The following BMP8B variants were observed in gnomAD, a reference collection of about 807,000 sequenced individuals.
BMP8B encodes bone morphogenetic protein 8b.
In BMP8B, 17 loss-of-function variants were observed where a neutral mutation model predicts 30.3. That is an observed-to-expected ratio of 0.56 (90% CI 0.38 to 0.84). The LOEUF (loss-of-function observed/expected upper bound fraction) is 0.84. Ranked by LOEUF, BMP8B falls within the 40% of genes least tolerant of loss-of-function variation. The pLI, the probability that BMP8B is intolerant of heterozygous loss-of-function variation, is 0.00. For synonymous variants in BMP8B, 131 were observed against 214.7 expected, an observed-to-expected ratio of 0.61 and a Z score of 3.41; for missense variants, 253 against 494.6, an observed-to-expected ratio of 0.51 and a Z score of 4.63.
rs77736626 is a variant in BMP8B, at chr1:39,782,273, C to T, written c.334+5879G>A. Among the ~76,000 whole-genome samples the T allele has an allele frequency of 6.2e-4, 95 of 152,228 alleles. No homozygotes were observed. In the East Asian group the frequency reaches 0.015, roughly 24 times the overall value. ...TGAAGAGAAGCTCTGGGAAGCCCCC[C>T]ACAGCATCCACTACAAGGATGCCTA... On this transcript the variant is annotated intron_variant, in intron 1 of 6. Transcript: ENST00000372827.
chr1:39,786,491 G>GC (rs3831857), intron 1 of BMP8B, among the ~76,000 whole-genome samples: 4,080 of 152,332 alleles, frequency 0.027, 103 homozygotes, highest in East Asian at 0.12. Context: ...AGGTCACACA[G>GC]AGGGGTAGGC....
chr1:39,775,172 C>G, intron 1 of BMP8B, 134 bp from the exon 2 acceptor site: 1 of 1,346,208 alleles, frequency 7.4e-7, no homozygotes, highest in Non-Finnish European at 1.0e-6. Flanking sequence ...TGGGTGGGGC[C>G]GGCTTCATTT....
chr1:39,784,207 A>C (rs1650836090), intron 1 of BMP8B, among the ~76,000 whole-genome samples: 2 of 152,222 alleles, frequency 1.3e-5, no homozygotes. Context: ...GGTTCTGGGC[A>C]CGTGGGCATC....
At position 39,771,150 on chromosome 1, in the gene BMP8B, G is replaced by A. The variant is rs1319369410; in HGVS notation, c.673+3158C>T. On this transcript the variant is annotated intron_variant, in intron 3 of 6. Transcript: ENST00000372827. The stretch of plus-strand genomic sequence containing the variant: ...GCGTAGAACTTGGCACGGAGCCGGG[G>A]ACTGGTGGCAAAGCAGCGGGCGCAG... 1.9e-6 allele frequency: 3 copies of A among 1,556,430 alleles called. 1 individual carries two copies. The Admixed American group carries it at 5.2e-5, about 27-fold the overall frequency.
At chr1:39,777,141 G>A (rs2124477574) in intron 1 of BMP8B, among the ~76,000 whole-genome samples, 1 of 152,308 alleles carries the variant, frequency 6.6e-6, no homozygotes, top group Middle Eastern at 3.4e-3. Flanking sequence ...AATTACATTT[G>A]ACACAAGAAT....
At chr1:39,776,280 C>T (rs543685168) in intron 1 of BMP8B, among the ~76,000 whole-genome samples, 49 of 149,740 alleles carry the variant, frequency 3.3e-4, no homozygotes, top group Non-Finnish European at 4.7e-4. Context: ...TCCGGAAATA[C>T]CCAGGACGCT....
chr1:39,762,733 G>C, intron 6 of BMP8B: 1 of 1,421,350 alleles, frequency 7.0e-7, no homozygotes, highest in Non-Finnish European at 9.3e-7. Context: ...TCGGCGGCCC[G>C]TGTGCTAAGA....
intron 1 of BMP8B, among the ~76,000 whole-genome samples, chr1:39,784,340 G>A (rs1335923508): frequency 1.3e-5 from 2 of 150,492 alleles, no homozygotes; most frequent in Non-Finnish European, 3.0e-5. Flanking sequence ...GAGATCAGGT[G>A]TTGGCGTCAG....
chr1:39,785,767 C>T (rs373620404), intron 1 of BMP8B, among the ~76,000 whole-genome samples: 83 of 152,324 alleles, frequency 5.4e-4, no homozygotes, highest in African/African-American at 1.8e-3. Context: ...CTCCAGGGGC[C>T]TCCAAACATG....
At position 39,788,621 on chromosome 1, in the gene BMP8B, G is replaced by A. The variant is rs1651180157; in HGVS notation, c.-136C>T. On this transcript the variant is annotated 5_prime_UTR_variant, in exon 1 of 7. Coordinates refer to ENST00000372827, the MANE Select transcript of BMP8B (RefSeq NM_001720.5). The surrounding 1 kb of genome is among the most constrained non-coding windows in gnomAD (Gnocchi z 5.8). ...CGGGCGGCGGGGCGGGGCGGGACGG[G>A]CGGCGACCGCGGCCTCAGCGCGGTC... The A allele has an allele frequency of 1.2e-6, 1 of 804,560 alleles. No homozygotes were observed. The highest frequency in any genetic ancestry group is 1.5e-6 in the Non-Finnish European group (1 of 666,060). 49.8% of individuals were successfully genotyped at this position (804,560 alleles called of 1,614,324 possible).
chr1:39,770,454 G>A, intron 3 of BMP8B: 2 of 1,609,574 alleles, frequency 1.2e-6, no homozygotes, highest in Non-Finnish European at 1.7e-6. Flanking sequence ...TTTATCACGC[G>A]ATCTACATAA....
Position 39,757,744 on chromosome 1 carries a change from A to C in BMP8B, c.*2675T>G, listed in dbSNP as rs1648441609. The C allele has an allele frequency of 6.6e-6, 1 of 152,270 alleles. No homozygotes were observed. The highest frequency in any genetic ancestry group is 6.5e-5 in the Admixed American group (1 of 15,284). 9.4% of individuals were successfully genotyped at this position (152,270 alleles called of 1,614,324 possible). A position where few individuals can be genotyped will look rare whatever the true frequency, so the allele number is the denominator to read the frequency against. ...GGGAAATGGTGGTATCTGTGCTGCCAGCCTGGGCCACCCACTGCAGATGCA... is the reference window on the plus strand; with the variant it reads ...GGGAAATGGTGGTATCTGTGCTGCCCGCCTGGGCCACCCACTGCAGATGCA... On this transcript the variant is annotated 3_prime_UTR_variant, in exon 7 of 7. Transcript: ENST00000372827.
intron 1 of BMP8B, among the ~76,000 whole-genome samples, chr1:39,780,245 C>T (rs1293550092): frequency 1.3e-5 from 2 of 152,080 alleles, no homozygotes; most frequent in African/African-American, 2.4e-5. Context: ...ATGGTGAAGG[C>T]GGCACCATGA....
intron 1 of BMP8B, 125 bp from the exon 2 acceptor site, chr1:39,775,163 G>C: frequency 1.4e-6 from 2 of 1,411,580 alleles, no homozygotes; most frequent in Non-Finnish European, 9.6e-7. Context: ...AGGGAGGCCT[G>C]GGTGGGGCCG....
chr1:39,769,612 C>G (rs1018216297), intron 3 of BMP8B: 303 of 1,435,930 alleles, frequency 2.1e-4, no homozygotes, highest in South Asian at 3.2e-4. Context: ...AGTAGCAAAC[C>G]CCTCCCAGAG....
chr1:39,761,450 C>G (rs1469541040), intron 6 of BMP8B: 1 of 152,918 alleles, frequency 6.5e-6, no homozygotes, highest in African/African-American at 2.4e-5. Context: ...CCAGCCTCCC[C>G]CAGCAGCCAG....
chr1:39,779,485 G>A (rs547742795), intron 1 of BMP8B, among the ~76,000 whole-genome samples: 1 of 152,338 alleles, frequency 6.6e-6, no homozygotes, highest in South Asian at 2.1e-4. Context: ...GGGGCTAGGT[G>A]AGCCCCTGCA....
chr1:39,762,036 C>T (rs933939731), intron 6 of BMP8B, among the ~76,000 whole-genome samples: 10 of 152,216 alleles, frequency 6.6e-5, no homozygotes, highest in Non-Finnish European at 1.0e-4. Flanking sequence ...GAGAACCACA[C>T]GGCATAAAGG....
intron 6 of BMP8B, 116 bp downstream of exon 6, chr1:39,762,976 A>T: frequency 7.6e-7 from 1 of 1,308,380 alleles, no homozygotes; most frequent in East Asian, 2.3e-5. Flanking sequence ...TGTGCAGACA[A>T]AGCCCCCTGA....
Sources: allele counts gnomAD v4.1 joint callset (sites outside exome capture counted in the v4.1 genomes callset), GRCh38; gene constraint gnomAD v4.1.1; non-coding constraint Gnocchi (gnomAD v3.1); transcripts MANE v1.5; gene names NCBI Gene and HGNC (gene_info 2026-07-23, HGNC 2026-07-21).